CCM2: variants seen among roughly 807,000 people sequenced by gnomAD.
CCM2 encodes cerebral cavernous malformations 2 protein.
CCM2 carries 25 observed loss-of-function variants against 44.9 expected under a neutral mutation model. The ratio of observed to expected loss-of-function variants is 0.56; its 90% CI spans 0.41 to 0.78. The LOEUF (loss-of-function observed/expected upper bound fraction) is 0.78, where lower values mean the gene tolerates loss of function less well. Among genes scored for constraint, CCM2 ranks in the 30% least tolerant of loss-of-function variants. CCM2 has a pLI of 0.00. For missense variants in CCM2, 481 were observed against 580.6 expected, an observed-to-expected ratio of 0.83 and a Z score of 1.76; for synonymous variants, 219 against 241.1, an observed-to-expected ratio of 0.91 and a Z score of 0.85.
intron 8 of CCM2, 171 bp from the exon 9 acceptor site, chr7:45,074,099 G>T: frequency 6.9e-7 from 1 of 1,440,938 alleles, no homozygotes; most frequent in Non-Finnish European, 9.2e-7. Flanking sequence ...CCCGTGCCAG[G>T]TCTGGTAGGA....
intron 1 of CCM2, among the ~76,000 whole-genome samples, chr7:45,028,466 A>AGGTCAGATGTTCAAGACCACC (rs1416496978): frequency 1.8e-4 from 28 of 152,180 alleles, no homozygotes; most frequent in African/African-American, 6.5e-4. Flanking sequence ...GACCATTCTG[A>AGGTCAGATGTTCAAGACCACC]CTAACATGGT....
At chr7:45,004,652 G>A (rs1200783867) in intron 1 of CCM2, among the ~76,000 whole-genome samples, 1 of 152,172 alleles carries the variant, frequency 6.6e-6, no homozygotes, top group East Asian at 1.9e-4. Context: ...CGAAGTGAAA[G>A]TTTAAAGGAA....
chr7:45,011,603 G>T (rs1278493382), intron 1 of CCM2, among the ~76,000 whole-genome samples: 1 of 151,850 alleles, frequency 6.6e-6, no homozygotes, highest in Non-Finnish European at 1.5e-5. Context: ...CCAGGCTGGG[G>T]TGCAGTGGCG....
chr7:45,025,922 C>T (rs1796671061), intron 1 of CCM2, among the ~76,000 whole-genome samples: 1 of 151,990 alleles, frequency 6.6e-6, no homozygotes, highest in Non-Finnish European at 1.5e-5. Flanking sequence ...AATGTAGGTT[C>T]CTGTGCCTGT....
intron 2 of CCM2, among the ~76,000 whole-genome samples, chr7:45,043,047 A>G (rs56133062): frequency 0.088 from 12,878 of 146,694 alleles, 664 homozygotes; most frequent in Middle Eastern, 0.17. Context: ...ATCATGGTTC[A>G]CTGCAGCCTC....
chr7:45,023,820 T>G (rs1433218748), intron 1 of CCM2, among the ~76,000 whole-genome samples: 4 of 145,522 alleles, frequency 2.7e-5, no homozygotes, highest in African/African-American at 5.1e-5. Flanking sequence ...TTTTTTTTTT[T>G]TTTTTATGAG....
At chr7:45,019,511 C>T (rs2128718091) in intron 1 of CCM2, among the ~76,000 whole-genome samples, 1 of 152,180 alleles carries the variant, frequency 6.6e-6, no homozygotes, top group African/African-American at 2.4e-5. Flanking sequence ...GTTTAAGGTA[C>T]TGATTAAGCC....
chr7:45,041,613 G>C (rs1797504790), intron 2 of CCM2, among the ~76,000 whole-genome samples: 1 of 152,172 alleles, frequency 6.6e-6, no homozygotes, highest in Non-Finnish European at 1.5e-5. Context: ...ACAAAACAGA[G>C]AATATTTAGA....
In CCM2 at chr7:45,023,379, A is replaced by G. The variant is rs1036199063; in HGVS notation, c.31-14874A>G. 2.0e-5 allele frequency among the ~76,000 whole-genome samples: 3 copies of G among 152,118 alleles called. No homozygotes were observed. The South Asian group carries it at 6.2e-4, about 32-fold the overall frequency. The stretch of plus-strand genomic sequence containing the variant: ...AGCCTGGCCAACATGGCGAAGCCCC[A>G]TCTCTACTAAAAATACAAAAATTAG... On this transcript the variant is annotated intron_variant, in intron 1 of 9. Transcript: ENST00000258781.
At chr7:45,024,559 C>T (rs528991315) in intron 1 of CCM2, among the ~76,000 whole-genome samples, 1 of 152,236 alleles carries the variant, frequency 6.6e-6, no homozygotes, top group South Asian at 2.1e-4. Context: ...GGGAGTAGAT[C>T]CTCTAGTATG....
At chr7:45,002,744 A>G (rs1038814045) in intron 1 of CCM2, among the ~76,000 whole-genome samples, 1 of 152,082 alleles carries the variant, frequency 6.6e-6, no homozygotes, top group African/African-American at 2.4e-5. Flanking sequence ...CAAGTGGGCC[A>G]TGGTTCGTTT....
At chr7:45,048,637 C>T (rs1323186405) in intron 2 of CCM2, among the ~76,000 whole-genome samples, 1 of 152,078 alleles carries the variant, frequency 6.6e-6, no homozygotes, top group Admixed American at 6.5e-5. Flanking sequence ...GTGGTGTGCA[C>T]CTGTAGTCCC....
At chr7:45,049,471 C>T (rs1346499463) in intron 2 of CCM2, among the ~76,000 whole-genome samples, 1 of 152,126 alleles carries the variant, frequency 6.6e-6, no homozygotes, top group Non-Finnish European at 1.5e-5. Context: ...TTGCACCTTG[C>T]TTTTTACACT....
At chr7:45,056,157 T>C (rs1426309003) in intron 2 of CCM2, among the ~76,000 whole-genome samples, 2 of 150,740 alleles carry the variant, frequency 1.3e-5, no homozygotes, top group Non-Finnish European at 3.0e-5. Flanking sequence ...GGTGTACAAA[T>C]GTCTTTTCAA....
At chr7:45,049,176 C>T (rs940528058) in intron 2 of CCM2, among the ~76,000 whole-genome samples, 2 of 152,092 alleles carry the variant, frequency 1.3e-5, no homozygotes, top group Non-Finnish European at 2.9e-5. Flanking sequence ...AGGCTGGTCT[C>T]GAACTCCTGT....
Position 45,074,292 on chromosome 7 carries a change from A to G in CCM2, c.938A>G (p.Gln313Arg). ...CAGCTGCGCACCAAGCTGTCATCAC[A>G]GGAGATCCAGCAGTTTGCAGCACTG... is the stretch of plus-strand genomic sequence containing the variant. Reference protein sequence around the residue: ...MLTLRTKLSSQEIQQFAALLH... With the variant: ...MLTLRTKLSSREIQQFAALLH... Residue 313 changes from glutamine to arginine, a missense_variant, in exon 9 of 10, where the codon CAG (glutamine) becomes CGG (arginine). By Grantham distance (43) the Gln-to-Arg change is conservative. Transcript: ENST00000258781. The G allele has an allele frequency of 6.2e-7, 1 of 1,613,720 alleles. No individual in the cohort carries two copies. Among genetic ancestry groups the G allele is most frequent in the Non-Finnish European group, 8.5e-7 (1 of 1,180,026 alleles).
intron 1 of CCM2, chr7:45,027,790 A>G (rs752527164): frequency 9.3e-6 from 15 of 1,614,096 alleles, no homozygotes; most frequent in Non-Finnish European, 1.2e-5. Flanking sequence ...TATTCCATGG[A>G]GAATGAGGTA....
At chr7:45,013,400 G>A (rs145114669) in intron 1 of CCM2, among the ~76,000 whole-genome samples, 41 of 151,900 alleles carry the variant, frequency 2.7e-4, no homozygotes, top group Admixed American at 5.9e-4. Context: ...AGCACACAGA[G>A]TATATACAGA....
intron 1 of CCM2, among the ~76,000 whole-genome samples, chr7:45,028,057 A>C (rs10226202): frequency 4.6e-5 from 7 of 152,230 alleles, no homozygotes; most frequent in Non-Finnish European, 7.3e-5. Flanking sequence ...GGATTCATCC[A>C]TCTTGACTCA....
Sources: allele counts gnomAD v4.1 joint callset (sites outside exome capture counted in the v4.1 genomes callset), GRCh38; gene constraint gnomAD v4.1.1; transcripts MANE v1.5; gene names NCBI Gene and HGNC (gene_info 2026-07-23, HGNC 2026-07-21).